Variants in DPYD observed in about 807,000 individuals in gnomAD.
DPYD encodes the protein dihydropyrimidine dehydrogenase.
DPYD carries 109 observed loss-of-function variants against 116.2 expected under a neutral mutation model. That is an observed-to-expected ratio of 0.94 (90% confidence interval 0.80 to 1.10). The LOEUF is 1.10. Among genes scored for constraint, DPYD ranks in the 50% least tolerant of loss-of-function variants. The pLI, the probability that DPYD is intolerant of heterozygous loss-of-function variation, is 0.00. For missense variants in DPYD, 1,302 were observed against 1,254.5 expected (o/e 1.04, Z -0.57); for synonymous variants, 440 against 432.0 (o/e 1.02, Z -0.23).
At chr1:97,273,627 C>T (rs1187861873) in intron 18 of DPYD, among the ~76,000 whole-genome samples, 7 of 152,132 alleles carry the variant, frequency 4.6e-5, no homozygotes, top group East Asian at 1.9e-4. Context: ...GGAATATAGA[C>T]ATTGTCAATA....
At chr1:97,258,382 T>C (rs1388820873) in intron 18 of DPYD, among the ~76,000 whole-genome samples, 3 of 152,166 alleles carry the variant, frequency 2.0e-5, no homozygotes, top group African/African-American at 7.2e-5. Context: ...AGTGAATAAA[T>C]ACTTTCAGGG....
At chr1:97,332,377 AAC>A (rs1227025903) in intron 16 of DPYD, among the ~76,000 whole-genome samples, 1 of 152,248 alleles carries the variant, frequency 6.6e-6, no homozygotes, top group South Asian at 2.1e-4. Context: ...ATTTTTATTA[AAC>A]ACACACGCAT....
At chr1:97,488,573 T>A (rs1053454529) in intron 13 of DPYD, among the ~76,000 whole-genome samples, 4 of 152,154 alleles carry the variant, frequency 2.6e-5, no homozygotes, top group South Asian at 2.1e-4. Context: ...GTCAGAAGAA[T>A]CATGCCTATA....
chr1:97,187,272 C>G (rs1432982418), intron 20 of DPYD, among the ~76,000 whole-genome samples: 1 of 152,116 alleles, frequency 6.6e-6, no homozygotes, highest in Non-Finnish European at 1.5e-5. Flanking sequence ...AAGAGCCATT[C>G]TGACTGGTAT....
intron 16 of DPYD, among the ~76,000 whole-genome samples, chr1:97,330,516 G>A (rs972278021): frequency 6.6e-6 from 1 of 152,060 alleles, no homozygotes; most frequent in African/African-American, 2.4e-5. Context: ...GCCAGAGCTC[G>A]ACAGTAATAA....
chr1:97,900,718 G>A (rs901871642), intron 1 of DPYD, among the ~76,000 whole-genome samples: 1 of 151,670 alleles, frequency 6.6e-6, no homozygotes, highest in Non-Finnish European at 1.5e-5. Flanking sequence ...ATAATGATGT[G>A]AATAAAATAT....
chr1:97,839,341 A>G (rs1669929788), intron 2 of DPYD, among the ~76,000 whole-genome samples: 1 of 152,190 alleles, frequency 6.6e-6, no homozygotes, highest in South Asian at 2.1e-4. Context: ...CCAACCTAAC[A>G]TCTAATTCTA....
intron 18 of DPYD, among the ~76,000 whole-genome samples, chr1:97,238,587 A>G (rs1662111758): frequency 6.6e-6 from 1 of 152,206 alleles, no homozygotes; most frequent in Non-Finnish European, 1.5e-5. Context: ...TATCAATGCC[A>G]TACAAAATTG....
chr1:97,263,048 T>C (rs1024213524), intron 18 of DPYD, among the ~76,000 whole-genome samples: 1 of 152,102 alleles, frequency 6.6e-6, no homozygotes, highest in African/African-American at 2.4e-5. Context: ...AAGCTTGATC[T>C]TGATTGCCAA....
chr1:97,504,716 C>T (rs886943479), intron 13 of DPYD, among the ~76,000 whole-genome samples: 1 of 152,008 alleles, frequency 6.6e-6, no homozygotes, highest in Non-Finnish European at 1.5e-5. Flanking sequence ...AAATACTCTT[C>T]AAGAGGTAAT....
intron 18 of DPYD, among the ~76,000 whole-genome samples, chr1:97,288,348 T>C (rs1220377142): frequency 6.6e-6 from 1 of 151,214 alleles, no homozygotes; most frequent in African/African-American, 2.4e-5. Context: ...AATAGACATC[T>C]ACAGAACTCT....
intron 14 of DPYD, among the ~76,000 whole-genome samples, chr1:97,429,814 T>C (rs1160275908): frequency 1.3e-5 from 2 of 152,092 alleles, no homozygotes; most frequent in African/African-American, 4.8e-5. Context: ...GCATCTGAAA[T>C]TTAATGCTAT....
chr1:97,906,191 C>T (rs372418720), intron 1 of DPYD, among the ~76,000 whole-genome samples: 47 of 152,106 alleles, frequency 3.1e-4, no homozygotes, highest in African/African-American at 9.6e-4. Context: ...CCCTAAATTA[C>T]TGGATATTGA....
At chr1:97,838,484 G>A (rs1303408328) in intron 2 of DPYD, among the ~76,000 whole-genome samples, 1 of 152,186 alleles carries the variant, frequency 6.6e-6, no homozygotes, top group Non-Finnish European at 1.5e-5. Context: ...GATTTTTCAA[G>A]TTACTCAATA....
At chr1:97,862,232 A>G (rs1332133319) in intron 2 of DPYD, among the ~76,000 whole-genome samples, 1 of 151,934 alleles carries the variant, frequency 6.6e-6, no homozygotes, top group Non-Finnish European at 1.5e-5. Flanking sequence ...ACAAACTCAT[A>G]AAAGCATTTA....
At chr1:97,087,420 G>T (rs1163132132) in intron 21 of DPYD, among the ~76,000 whole-genome samples, 1 of 152,212 alleles carries the variant, frequency 6.6e-6, no homozygotes, top group Non-Finnish European at 1.5e-5. Flanking sequence ...TATGCTGAGA[G>T]CAGAGGGCAG....
intron 1 of DPYD, among the ~76,000 whole-genome samples, chr1:97,913,602 C>A (rs1674072954): frequency 6.6e-6 from 1 of 152,122 alleles, no homozygotes; most frequent in African/African-American, 2.4e-5. Flanking sequence ...ATTTTGCTGG[C>A]AATTTTCACA....
chr1:97,321,070 T>C (rs1171088296), intron 16 of DPYD, among the ~76,000 whole-genome samples: 1 of 101,912 alleles, frequency 9.8e-6, no homozygotes, highest in Non-Finnish European at 1.9e-5. Flanking sequence ...TTACACCTTA[T>C]ACAAAAATCA....
intron 3 of DPYD, among the ~76,000 whole-genome samples, chr1:97,814,943 A>AAGGAG (rs1213076068): frequency 6.7e-6 from 1 of 150,374 alleles, no homozygotes; most frequent in African/African-American, 2.4e-5. Context: ...GAAAGAAAGA[A>AAGGAG]AGAAAGAAAG....
Sources: allele counts gnomAD v4.1 joint callset (sites outside exome capture counted in the v4.1 genomes callset), GRCh38; gene constraint gnomAD v4.1.1; transcripts MANE v1.5; gene names NCBI Gene and HGNC (gene_info 2026-07-23, HGNC 2026-07-21).